The following ADAM28 variants were observed in gnomAD, a reference collection of about 807,000 sequenced individuals.
ADAM28 encodes the protein disintegrin and metalloproteinase domain-containing protein 28.
ADAM28 carries 105 observed loss-of-function variants against 101.2 expected under a neutral mutation model. The ratio of observed to expected loss-of-function variants is 1.04; its 90% confidence interval spans 0.89 to 1.22. ADAM28 has a LOEUF of 1.22. Among genes scored for constraint, ADAM28 ranks in the 50% most tolerant of loss-of-function variants. The probability of loss-of-function intolerance (pLI) is 0.00; values close to 1 mark genes in which losing one functional copy is unlikely to be tolerated. For synonymous variants in ADAM28, 322 were observed against 310.6 expected, an observed-to-expected ratio of 1.04 and a Z score of -0.39; for missense variants, 1,028 against 945.4, an observed-to-expected ratio of 1.09 and a Z score of -1.15.
chr8:24,326,920 T>A (rs779646222), intron 10 of ADAM28, among the ~76,000 whole-genome samples: 46 of 152,016 alleles, frequency 3.0e-4, no homozygotes, highest in Non-Finnish European at 6.5e-4. Context: ...CTATTTATGA[T>A]AAACTGACAG....
intron 10 of ADAM28, among the ~76,000 whole-genome samples, chr8:24,327,245 C>T (rs1461519149): frequency 6.6e-6 from 1 of 151,966 alleles, no homozygotes. Context: ...TCGTATACAC[C>T]AATAACAGAC....
chr8:24,321,050 A>AT (rs1811802580), intron 7 of ADAM28, among the ~76,000 whole-genome samples, 168 bp from the exon 8 acceptor site: 1 of 151,970 alleles, frequency 6.6e-6, no homozygotes, highest in Non-Finnish European at 1.5e-5. Flanking sequence ...AAGTGCTTTA[A>AT]TGTAGCTAGA....
At chr8:24,300,504 C>CAT (rs1808588657) in intron 2 of ADAM28, among the ~76,000 whole-genome samples, 1 of 152,048 alleles carries the variant, frequency 6.6e-6, no homozygotes. Context: ...GCAAGCTCCG[C>CAT]CTCCCAGGTT....
intron 4 of ADAM28, among the ~76,000 whole-genome samples, chr8:24,311,102 T>A (rs553539413): frequency 6.6e-6 from 1 of 152,344 alleles, no homozygotes; most frequent in South Asian, 2.1e-4. Flanking sequence ...TTATTCCATC[T>A]AAGTATTATT....
Position 24,357,430 on chromosome 8 carries a change from A to AGGAG in ADAM28, c.*3028_*3031dup, listed in dbSNP as rs1816754676. ...ATTGACTCAGATTTCCACATGGCCTAGGAGGCCTCAGGAAACTTACAATCA... is the reference window on the plus strand; with the variant it reads ...ATTGACTCAGATTTCCACATGGCCTAGGAGGGAGGCCTCAGGAAACTTACAATCA... On this transcript the variant is annotated 3_prime_UTR_variant, in exon 23 of 23. Coordinates refer to ENST00000265769, the MANE Select transcript of ADAM28 (RefSeq NM_014265.6). 2 of 152,292 alleles carry AGGAG rather than the reference A, an allele frequency of 1.3e-5. No individual in the cohort carries two copies. Among genetic ancestry groups the AGGAG allele is most frequent in the South Asian group, 4.1e-4 (2 of 4,826 alleles). 9.4% of individuals were successfully genotyped at this position (152,292 alleles called of 1,614,324 possible).
intron 1 of ADAM28, 132 bp downstream of exon 1, chr8:24,294,327 G>T: frequency 9.5e-7 from 1 of 1,056,428 alleles, no homozygotes; most frequent in East Asian, 2.6e-5. Context: ...TTACTAACCA[G>T]TTGGGCTGGT....
At chr8:24,324,122 T>C in intron 9 of ADAM28, 119 bp downstream of exon 9, 1 of 825,908 alleles carries the variant, frequency 1.2e-6, no homozygotes, top group South Asian at 3.5e-5. Flanking sequence ...CTTACTTGGA[T>C]TATATGTCAA....
intron 5 of ADAM28, among the ~76,000 whole-genome samples, chr8:24,311,859 C>T (rs1040613611): frequency 3.9e-5 from 6 of 152,112 alleles, no homozygotes; most frequent in African/African-American, 9.7e-5. Context: ...CTACCTCAGC[C>T]TCTCGAGTAG....
At chr8:24,334,626 A>G (rs900522868) in intron 13 of ADAM28, among the ~76,000 whole-genome samples, 1 of 152,188 alleles carries the variant, frequency 6.6e-6, no homozygotes. Flanking sequence ...CTCTGACTGG[A>G]GCTTTGGGTT....
At chr8:24,304,916 C>CA (rs201577045) in intron 2 of ADAM28, among the ~76,000 whole-genome samples, 7,731 of 128,214 alleles carry the variant, frequency 0.06, 261 homozygotes, top group East Asian at 0.11. Flanking sequence ...AACTCCTTCT[C>CA]AAAAAAAAAA....
chr8:24,303,541 C>T (rs115045431), intron 2 of ADAM28, among the ~76,000 whole-genome samples: 5,143 of 152,214 alleles, frequency 0.034, 106 homozygotes, highest in East Asian at 0.095. Context: ...TTGTTTACTA[C>T]AGCCTTGTAA....
intron 2 of ADAM28, among the ~76,000 whole-genome samples, chr8:24,300,356 A>T (rs1808556259): frequency 1.3e-5 from 2 of 152,182 alleles, no homozygotes; most frequent in Non-Finnish European, 2.9e-5. Context: ...TCATTCTACA[A>T]ATCAAGTTTC....
intron 18 of ADAM28, among the ~76,000 whole-genome samples, chr8:24,347,562 T>A (rs1011738477): frequency 9.2e-5 from 14 of 152,292 alleles, no homozygotes; most frequent in Admixed American, 7.2e-4. Flanking sequence ...GTCTGATATA[T>A]AAATTAAGCC....
At position 24,301,294 on chromosome 8, in the gene ADAM28, C is replaced by T. The variant is rs571215168; in HGVS notation, c.150+1217C>T. On this transcript the variant is annotated intron_variant, in intron 2 of 22. Transcript: ENST00000265769. ...TGGAACCCAAAAGCATAGGATTCCC[C>T]TTCAATATGACTTTCTTCAAATGCT... Among the ~76,000 whole-genome samples the T allele has an allele frequency of 3.3e-5, 5 of 152,272 alleles. No individual in the cohort carries two copies. In the South Asian group the frequency reaches 1.0e-3, roughly 32 times the overall value.
chr8:24,344,774 T>G (rs1425035449), intron 18 of ADAM28, among the ~76,000 whole-genome samples: 1 of 152,140 alleles, frequency 6.6e-6, no homozygotes, highest in African/African-American at 2.4e-5. Flanking sequence ...ATGACTTTCT[T>G]GACTGCTTTA....
In ADAM28 at chr8:24,343,092, C is replaced by A; in HGVS notation, c.1831-9C>A. 1 of 1,613,620 alleles carries A rather than the reference C, an allele frequency of 6.2e-7. No homozygotes were observed. The highest frequency in any genetic ancestry group is 8.5e-7 in the Non-Finnish European group (1 of 1,179,692). ...AGATGAAGCTTCATGTTTTCTACAT[C>A]ACTTTCAGGTTTGCATTAATGCAGA... On this transcript the variant is annotated splice_polypyrimidine_tract_variant and intron_variant, in intron 16 of 22. Transcript: ENST00000265769.
intron 11 of ADAM28, among the ~76,000 whole-genome samples, chr8:24,330,654 C>G (rs1199438368): frequency 6.6e-6 from 1 of 152,122 alleles, no homozygotes; most frequent in African/African-American, 2.4e-5. Context: ...CTCCCTCAGC[C>G]CACTGAAGCT....
chr8:24,329,868 TTTGTG>T, intron 10 of ADAM28, 112 bp from the exon 11 acceptor site: 68 of 736,276 alleles, frequency 9.2e-5, no homozygotes, highest in Admixed American at 1.3e-4. Flanking sequence ...TGTGTGTGTG[TTTGTG>T]TGTGTGTGTG....
At chr8:24,301,503 T>C (rs1808773041) in intron 2 of ADAM28, among the ~76,000 whole-genome samples, 1 of 152,230 alleles carries the variant, frequency 6.6e-6, no homozygotes, top group Non-Finnish European at 1.5e-5. Flanking sequence ...GGATTTTTAA[T>C]ATATTTTCAT....
Sources: gnomAD v4.1 joint callset for allele counts (sites outside exome capture counted in the v4.1 genomes callset) on GRCh38, gnomAD v4.1.1 for gene constraint, MANE v1.5 for transcripts, NCBI Gene and HGNC (gene_info 2026-07-23, HGNC 2026-07-21) for gene names.